Variants in TMPRSS11E observed in about 807,000 individuals in gnomAD.
TMPRSS11E encodes transmembrane serine protease 11E.
In TMPRSS11E, 38 loss-of-function variants were observed where a neutral mutation model predicts 48.1. The observed-to-expected ratio is 0.79, with a 90% confidence interval of 0.61 to 1.04. The LOEUF (loss-of-function observed/expected upper bound fraction) is 1.04. TMPRSS11E is among the 50% of genes least tolerant of loss of function. The pLI is 0.00. For missense variants in TMPRSS11E, 530 were observed against 510.8 expected, an observed-to-expected ratio of 1.04 and a Z score of -0.36; for synonymous variants, 158 against 171.9, an observed-to-expected ratio of 0.92 and a Z score of 0.63.
intron 9 of TMPRSS11E, among the ~76,000 whole-genome samples, chr4:68,481,909 C>T (rs1010934835): frequency 1.3e-5 from 2 of 152,148 alleles, no homozygotes; most frequent in African/African-American, 4.8e-5. Flanking sequence ...CACTGCACTC[C>T]AGCTTGGGTG....
intron 1 of TMPRSS11E, among the ~76,000 whole-genome samples, chr4:68,450,807 T>C (rs950249995): frequency 6.6e-6 from 1 of 151,928 alleles, no homozygotes; most frequent in Non-Finnish European, 1.5e-5. Context: ...GATCAGAGTA[T>C]AGCACTTTAA....
chr4:68,470,233 G>A (rs1162900355), intron 4 of TMPRSS11E, among the ~76,000 whole-genome samples: 1 of 151,770 alleles, frequency 6.6e-6, no homozygotes, highest in South Asian at 2.1e-4. Context: ...GGAATGAAAA[G>A]GATGACAAAG....
Position 68,496,539 on chromosome 4 carries a change from C to A in TMPRSS11E, c.1111-104C>A, listed in dbSNP as rs1165508070. The A allele has an allele frequency of 3.4e-6, 4 of 1,185,318 alleles. No homozygotes were observed. In the East Asian group the frequency reaches 7.3e-5, roughly 22 times the overall value. 73.4% of individuals were successfully genotyped at this position (1,185,318 alleles called of 1,614,324 possible). ...CTTATGCATGCGAACACACGGAATACTTTTGAAAATTACCCCTTTCATTAC... is the reference window on the plus strand; with the variant it reads ...CTTATGCATGCGAACACACGGAATAATTTTGAAAATTACCCCTTTCATTAC... On this transcript the variant is annotated intron_variant, in intron 9 of 9. Transcript: ENST00000305363.
intron 9 of TMPRSS11E, among the ~76,000 whole-genome samples, chr4:68,489,990 C>T (rs568210721): frequency 3.6e-4 from 55 of 152,322 alleles, no homozygotes; most frequent in African/African-American, 1.3e-3. Context: ...ACTCTCCAGG[C>T]TGTTCTCCCT....
intron 5 of TMPRSS11E, among the ~76,000 whole-genome samples, chr4:68,474,118 C>T (rs1032669553): frequency 2.6e-5 from 4 of 152,028 alleles, no homozygotes; most frequent in Non-Finnish European, 4.4e-5. Flanking sequence ...TTGAGACTGA[C>T]TAGTGAGAAG....
At chr4:68,490,751 CTTTTTTTTTTTTTTTT>C (rs1158277585) in intron 9 of TMPRSS11E, among the ~76,000 whole-genome samples, 2 of 69,328 alleles carry the variant, frequency 2.9e-5, no homozygotes, top group Non-Finnish European at 2.5e-5. Context: ...TCAGCATATT[CTTTTTTTTTTTTTTTT>C]TTTTTTTTTT....
rs140473804 is a variant in TMPRSS11E at position 68,476,439 on chromosome 4, G to A, written c.707+1G>A. ...TGAGTGCTGCTCACTGTTTTACAACGTAAGTCTTGAAGCTTGAGAATGATT... is the reference window on the plus strand; with the variant it reads ...TGAGTGCTGCTCACTGTTTTACAACATAAGTCTTGAAGCTTGAGAATGATT... On this transcript the variant is annotated splice_donor_variant, in intron 7 of 9. Coordinates refer to ENST00000305363, the MANE Select transcript of TMPRSS11E (RefSeq NM_014058.4). LOFTEE classifies it high-confidence loss of function. The A allele has an allele frequency of 7.0e-5, 112 of 1,605,510 alleles. No homozygotes were observed. The highest frequency in any genetic ancestry group is 8.9e-5 in the Non-Finnish European group (105 of 1,174,708).
intron 1 of TMPRSS11E, among the ~76,000 whole-genome samples, chr4:68,453,771 C>T (rs1400781712): frequency 3.9e-5 from 6 of 151,926 alleles, no homozygotes; most frequent in South Asian, 2.1e-4. Context: ...AATTTTATTC[C>T]GTTTAATGTG....
intron 1 of TMPRSS11E, among the ~76,000 whole-genome samples, chr4:68,455,661 C>T (rs1470856592): frequency 6.6e-6 from 1 of 151,952 alleles, no homozygotes; most frequent in African/African-American, 2.4e-5. Context: ...GCTCAGGTTT[C>T]TCAATCATTT....
chr4:68,483,601 T>C (rs1011366307), intron 9 of TMPRSS11E, among the ~76,000 whole-genome samples: 8 of 152,350 alleles, frequency 5.3e-5, no homozygotes, highest in African/African-American at 1.9e-4. Flanking sequence ...ACTCTGTTAA[T>C]AGTTTATTTT....
chr4:68,492,672 C>T (rs988697407), intron 9 of TMPRSS11E, among the ~76,000 whole-genome samples: 16 of 152,224 alleles, frequency 1.1e-4, no homozygotes, highest in Middle Eastern at 3.4e-3. Flanking sequence ...TTAAATAGAA[C>T]GTCTTTAAAC....
chr4:68,481,311 A>G (rs1295281485), intron 9 of TMPRSS11E, among the ~76,000 whole-genome samples: 2 of 152,140 alleles, frequency 1.3e-5, no homozygotes, highest in Non-Finnish European at 2.9e-5. Flanking sequence ...CTTTGTGTAT[A>G]ATATACCCAG....
At chr4:68,454,662 T>C (rs1238879160) in intron 1 of TMPRSS11E, among the ~76,000 whole-genome samples, 1 of 151,924 alleles carries the variant, frequency 6.6e-6, no homozygotes, top group East Asian at 1.9e-4. Flanking sequence ...TCAGATAGAA[T>C]TTTGTTACAT....
At chr4:68,450,178 C>T (rs1728456615) in intron 1 of TMPRSS11E, among the ~76,000 whole-genome samples, 1 of 151,874 alleles carries the variant, frequency 6.6e-6, no homozygotes, top group African/African-American at 2.4e-5. Flanking sequence ...TCACACTTCT[C>T]CTTCAACTAG....
At chr4:68,477,672 T>G (rs907276585) in intron 8 of TMPRSS11E, 44 bp downstream of exon 8, 13 of 1,599,878 alleles carry the variant, frequency 8.1e-6, no homozygotes, top group East Asian at 2.2e-5. Flanking sequence ...AAATTGGTAT[T>G]TTATGGCATT....
At chr4:68,476,211 A>G (rs1405742252) in intron 6 of TMPRSS11E, 50 bp from the exon 7 acceptor site, 22 of 1,610,624 alleles carry the variant, frequency 1.4e-5, no homozygotes, top group Non-Finnish European at 1.9e-5. Context: ...TGTGCAAAAC[A>G]ACTGCTAATT....
chr4:68,459,347 C>T (rs1036570827), intron 1 of TMPRSS11E, among the ~76,000 whole-genome samples: 3 of 151,610 alleles, frequency 2.0e-5, no homozygotes, highest in Non-Finnish European at 2.9e-5. Flanking sequence ...CTATGTCTCT[C>T]GCTCTCTTTT....
At position 68,457,610 on chromosome 4, in the gene TMPRSS11E, C is replaced by T. The variant is rs374350735; in HGVS notation, c.12-4211C>T. 9.2e-5 allele frequency among the ~76,000 whole-genome samples: 14 copies of T among 152,128 alleles called. 1 individual carries two copies. The highest frequency in any genetic ancestry group is 2.4e-4 in the African/African-American group (10 of 41,512). On this transcript the variant is annotated intron_variant, in intron 1 of 9. Coordinates refer to ENST00000305363, the MANE Select transcript of TMPRSS11E (RefSeq NM_014058.4). ...GACACATGCACACGTATGTTTATTG[C>T]GGCACTGTTCACAATAGCAAAGACT...
chr4:68,488,705 A>G (rs1282709486), intron 9 of TMPRSS11E, among the ~76,000 whole-genome samples: 1 of 149,656 alleles, frequency 6.7e-6, no homozygotes, highest in African/African-American at 2.4e-5. Flanking sequence ...TGCCCGGCTA[A>G]TTTTTTTGTA....
Sources: gnomAD v4.1 joint callset for allele counts (sites outside exome capture counted in the v4.1 genomes callset) on GRCh38, gnomAD v4.1.1 for gene constraint, MANE v1.5 for transcripts, NCBI Gene and HGNC (gene_info 2026-07-23, HGNC 2026-07-21) for gene names.